The following GABRA2 variants were observed in gnomAD, a reference collection of about 807,000 sequenced individuals.
GABRA2 encodes the protein gamma-aminobutyric acid receptor subunit alpha-2.
GABRA2 carries 16 observed loss-of-function variants against 48.7 expected under a neutral mutation model. The observed-to-expected ratio is 0.33, with a 90% CI of 0.22 to 0.50. The LOEUF is 0.50. Among genes scored for constraint, GABRA2 ranks in the 20% least tolerant of loss-of-function variants. The probability of loss-of-function intolerance (pLI) is 0.98; values close to 1 mark genes in which losing one functional copy is unlikely to be tolerated. For missense variants in GABRA2, 275 were observed against 535.6 expected (o/e 0.51, Z 4.80); for synonymous variants, 185 against 184.5 (o/e 1.00, Z -0.02).
chr4:46,271,320 A>G (rs1222004145), intron 8 of GABRA2, among the ~76,000 whole-genome samples: 2 of 152,040 alleles, frequency 1.3e-5, no homozygotes, highest in Admixed American at 6.6e-5. Flanking sequence ...AAAGGTATGC[A>G]CAAGACCAGG....
intron 3 of GABRA2, among the ~76,000 whole-genome samples, chr4:46,345,797 A>G (rs1402938325): frequency 6.6e-6 from 1 of 151,974 alleles, no homozygotes; most frequent in African/African-American, 2.4e-5. Flanking sequence ...CTAAGAAGGA[A>G]AAATGACAAT....
intron 8 of GABRA2, among the ~76,000 whole-genome samples, chr4:46,284,750 G>GA (rs1345068217): frequency 3.5e-4 from 53 of 151,816 alleles, no homozygotes; most frequent in Non-Finnish European, 1.2e-4. Context: ...CTCAGAGGTT[G>GA]AAAAATTTGA....
At chr4:46,279,496 T>C (rs1208146913) in intron 8 of GABRA2, among the ~76,000 whole-genome samples, 2 of 152,064 alleles carry the variant, frequency 1.3e-5, no homozygotes, top group Non-Finnish European at 2.9e-5. Context: ...TTTCATCTCT[T>C]TTTTTAAATT....
intron 6 of GABRA2, among the ~76,000 whole-genome samples, chr4:46,307,198 A>G (rs986986304): frequency 6.6e-6 from 1 of 151,888 alleles, no homozygotes; most frequent in Non-Finnish European, 1.5e-5. Flanking sequence ...AGTAATTTCA[A>G]TTCATTAACC....
chr4:46,322,267 TGC>T (rs1384223607), intron 4 of GABRA2, among the ~76,000 whole-genome samples: 12 of 152,002 alleles, frequency 7.9e-5, no homozygotes, highest in African/African-American at 2.9e-4. Context: ...AGCTATGGTA[TGC>T]ACTGAAGCAT....
intron 8 of GABRA2, among the ~76,000 whole-genome samples, chr4:46,301,368 C>T (rs1024558906): frequency 6.6e-6 from 1 of 152,142 alleles, no homozygotes; most frequent in Non-Finnish European, 1.5e-5. Context: ...AAATGCTAGG[C>T]ATTGTTCTGA....
intron 3 of GABRA2, among the ~76,000 whole-genome samples, chr4:46,381,538 A>G (rs1716758866): frequency 6.6e-6 from 1 of 152,206 alleles, no homozygotes; most frequent in Non-Finnish European, 1.5e-5. Flanking sequence ...ACTTTCTAAC[A>G]TAATATTCTC....
At chr4:46,255,538 T>C (rs1407059448) in intron 9 of GABRA2, among the ~76,000 whole-genome samples, 2 of 151,542 alleles carry the variant, frequency 1.3e-5, no homozygotes, top group African/African-American at 4.8e-5. Context: ...AAATAAAATA[T>C]ATTTTTTATA....
intron 5 of GABRA2, among the ~76,000 whole-genome samples, chr4:46,312,122 T>C (rs1307829702): frequency 1.3e-5 from 2 of 151,966 alleles, no homozygotes; most frequent in African/African-American, 2.4e-5. Context: ...ATAAATAAAG[T>C]CTTACTTTGA....
intron 9 of GABRA2, chr4:46,256,145 C>G (rs1054086156): frequency 6.0e-6 from 3 of 500,524 alleles, no homozygotes; most frequent in Non-Finnish European, 1.1e-5. Context: ...TCAGATAATG[C>G]TATTGTTAAC....
At chr4:46,328,629 TC>T (rs1730806678) in intron 4 of GABRA2, among the ~76,000 whole-genome samples, 1 of 152,066 alleles carries the variant, frequency 6.6e-6, no homozygotes, top group Non-Finnish European at 1.5e-5. Flanking sequence ...ATGATAACAT[TC>T]TTTTTTTTAT....
intron 3 of GABRA2, among the ~76,000 whole-genome samples, chr4:46,342,543 C>T (rs79093459): frequency 2.7e-4 from 41 of 152,176 alleles, no homozygotes; most frequent in Non-Finnish European, 5.4e-4. Flanking sequence ...ACTGCTGCCT[C>T]GCTGACCTCT....
intron 4 of GABRA2, among the ~76,000 whole-genome samples, chr4:46,327,406 A>G (rs1730573538): frequency 6.6e-6 from 1 of 152,026 alleles, no homozygotes; most frequent in Non-Finnish European, 1.5e-5. Flanking sequence ...TATTTGATGA[A>G]TGAATGAATG....
intron 8 of GABRA2, among the ~76,000 whole-genome samples, chr4:46,264,032 T>G (rs1278876161): frequency 6.6e-6 from 1 of 151,984 alleles, no homozygotes; most frequent in Non-Finnish European, 1.5e-5. Flanking sequence ...AGTGTATAAG[T>G]CTTTCATCTC....
chr4:46,326,306 T>C (rs974837439), intron 4 of GABRA2, among the ~76,000 whole-genome samples: 5 of 151,840 alleles, frequency 3.3e-5, no homozygotes, highest in Admixed American at 2.6e-4. Flanking sequence ...TGCACCCTTC[T>C]GGAACAGTTT....
At position 46,349,823 on chromosome 4, in the gene GABRA2, ATTAACT is replaced by A. The variant is rs371572132; in HGVS notation, c.188-17147_188-17142del. On this transcript the variant is annotated intron_variant, in intron 3 of 9. Coordinates refer to ENST00000381620, the MANE Select transcript of GABRA2 (RefSeq NM_000807.4). Reference sequence around the variant, plus strand: ...AGCAAAAATGAAATCTACTAAAGTGATTAACTTTACCACATATTACTGGAATGTAGT... The same window carrying A: ...AGCAAAAATGAAATCTACTAAAGTGATTACCACATATTACTGGAATGTAGT... 2.3e-3 allele frequency among the ~76,000 whole-genome samples: 356 copies of A among 152,036 alleles called. 3 individuals are homozygous for A. Among genetic ancestry groups the A allele is most frequent in the African/African-American group, 8.4e-3 (349 of 41,548 alleles).
intron 9 of GABRA2, among the ~76,000 whole-genome samples, chr4:46,253,013 A>T (rs1030305550): frequency 3.3e-5 from 5 of 151,478 alleles, no homozygotes; most frequent in Admixed American, 2.6e-4. Flanking sequence ...GGTGTACAAG[A>T]TGTAAAGGCA....
chr4:46,325,816 A>T (rs1211066904), intron 4 of GABRA2, among the ~76,000 whole-genome samples: 1 of 152,040 alleles, frequency 6.6e-6, no homozygotes, highest in African/African-American at 2.4e-5. Flanking sequence ...TCCTAGCACC[A>T]TTTATTGAAT....
Position 46,250,139 on chromosome 4 carries a change from A to G in GABRA2, c.*169T>C, listed in dbSNP as rs990243788. The stretch of plus-strand genomic sequence containing the variant: ...TGGAGTGCTTTCTGTCTGCAGTTCC[A>G]TGAGTTAGCAAATGCATGTCTCCAT... On this transcript the variant is annotated 3_prime_UTR_variant, in exon 10 of 10. Transcript: ENST00000381620. 1.8e-6 allele frequency: 1 copy of G among 567,660 alleles called. No individual in the cohort carries two copies. 35.2% of individuals were successfully genotyped at this position (567,660 alleles called of 1,614,324 possible). A position where few individuals can be genotyped will look rare whatever the true frequency, so the allele number is the denominator to read the frequency against.
Sources: allele counts gnomAD v4.1 joint callset (sites outside exome capture counted in the v4.1 genomes callset), GRCh38; gene constraint gnomAD v4.1.1; transcripts MANE v1.5; gene names NCBI Gene and HGNC (gene_info 2026-07-23, HGNC 2026-07-21).